The following ACSS1 variants were observed in gnomAD, a reference collection of about 807,000 sequenced individuals.
The protein encoded by ACSS1 is acyl-CoA synthetase short chain family member 1, also known as acetyl-coenzyme A synthetase 2-like, mitochondrial.
A neutral mutation model predicts 75.3 loss-of-function variants in ACSS1; 42 were observed. The ratio of observed to expected loss-of-function variants is 0.56; its 90% CI spans 0.44 to 0.72. ACSS1 has a LOEUF of 0.72. Among genes scored for constraint, ACSS1 ranks in the 30% least tolerant of loss-of-function variants. The probability of loss-of-function intolerance (pLI) is 0.00; values close to 1 mark genes in which losing one functional copy is unlikely to be tolerated. For missense variants in ACSS1, 782 were observed against 935.7 expected (o/e 0.84, Z 2.14); for synonymous variants, 380 against 376.8 (o/e 1.01, Z -0.10).
chr20:25,040,451 A>G (rs1285615874), intron 2 of ACSS1, among the ~76,000 whole-genome samples: 1 of 152,254 alleles, frequency 6.6e-6, no homozygotes, highest in Non-Finnish European at 1.5e-5. Context: ...TCCAGAGAGC[A>G]CAGCCACTTG....
chr20:25,014,520 A>G (rs1049098221), intron 8 of ACSS1, among the ~76,000 whole-genome samples: 1 of 152,184 alleles, frequency 6.6e-6, no homozygotes, highest in African/African-American at 2.4e-5. Context: ...TCTCTGTCCC[A>G]GGTTTTCCTG....
intron 3 of ACSS1, among the ~76,000 whole-genome samples, chr20:25,024,383 C>T (rs961661497): frequency 2.1e-4 from 32 of 152,312 alleles, no homozygotes; most frequent in African/African-American, 7.7e-4. Flanking sequence ...ACGCTGTGCC[C>T]CAGTGCGGGA....
At position 25,030,868 on chromosome 20, in the gene ACSS1, C is replaced by G. The variant is rs1268415790; in HGVS notation, c.522G>C (p.Val174=). 2 of 1,614,108 alleles carry G rather than the reference C, an allele frequency of 1.2e-6. No homozygotes were observed. The highest frequency in any genetic ancestry group is 1.7e-6 in the Non-Finnish European group (2 of 1,180,056). Reference sequence around the variant, plus strand: ...GCATTGCTGCCACAGCCAATGGGGACACGGGCATGTAGATGGCAACACGGT... The same window carrying G: ...GCATTGCTGCCACAGCCAATGGGGAGACGGGCATGTAGATGGCAACACGGT... ...RGDRVAIYMP[V]SPLAVAAMLA... Residue 174 remains valine (V), a synonymous_variant, in exon 3 of 14, where the codon GTG becomes GTC. Transcript: ENST00000323482.
At chr20:25,025,726 C>T (rs868302139) in intron 3 of ACSS1, among the ~76,000 whole-genome samples, 1 of 152,122 alleles carries the variant, frequency 6.6e-6, no homozygotes, top group African/African-American at 2.4e-5. Context: ...TCATTCTCAG[C>T]GACTACAGCC....
chr20:25,007,248 T>C lies in ACSS1; in HGVS notation c.*514A>G, dbSNP rs2122565161. 8.7e-7 allele frequency: 1 copy of C among 1,145,264 alleles called. No homozygotes were observed. The highest frequency in any genetic ancestry group is 3.0e-5 in the South Asian group (1 of 33,364). The allele number at this position is 1,145,264 out of a possible 1,614,324, so 70.9% of individuals were successfully genotyped here. A position where few individuals can be genotyped will look rare whatever the true frequency, so the allele number is the denominator to read the frequency against. On this transcript the variant is annotated 3_prime_UTR_variant, in exon 14 of 14. Transcript: ENST00000323482. The stretch of plus-strand genomic sequence containing the variant: ...TCACCAGTAGAGGCAAAAAAGGAGA[T>C]TTTCATAACTACATGTTAAAAAGAA...
intron 6 of ACSS1, among the ~76,000 whole-genome samples, chr20:25,020,925 T>G (rs1268530205): frequency 6.6e-6 from 1 of 152,262 alleles, no homozygotes; most frequent in Admixed American, 6.5e-5. Context: ...GTCATCACCT[T>G]GTCTTCAAAG....
intron 1 of ACSS1, among the ~76,000 whole-genome samples, chr20:25,053,596 T>C (rs1422574320): frequency 1.3e-5 from 2 of 152,126 alleles, no homozygotes; most frequent in Non-Finnish European, 2.9e-5. Context: ...CTTTAATCAC[T>C]GGAATCACTA....
intron 7 of ACSS1, among the ~76,000 whole-genome samples, chr20:25,017,770 T>A (rs1052566649): frequency 6.6e-6 from 1 of 152,226 alleles, no homozygotes; most frequent in African/African-American, 2.4e-5. Flanking sequence ...TGAAATGCAC[T>A]TAGGGCGGTA....
chr20:25,037,028 G>GGAAGGAAA (rs975830814), intron 2 of ACSS1, among the ~76,000 whole-genome samples: 3 of 149,296 alleles, frequency 2.0e-5, no homozygotes, highest in Non-Finnish European at 3.0e-5. Flanking sequence ...AAGGAAGGAA[G>GGAAGGAAA]GAAAGAAAGA....
At chr20:25,049,091 A>C (rs2089141680) in intron 1 of ACSS1, among the ~76,000 whole-genome samples, 1 of 152,258 alleles carries the variant, frequency 6.6e-6, no homozygotes, top group South Asian at 2.1e-4. Context: ...ACCTCAAAAA[A>C]TGTAACAAAT....
intron 3 of ACSS1, among the ~76,000 whole-genome samples, chr20:25,028,276 T>C (rs1299110387): frequency 1.3e-5 from 2 of 151,976 alleles, no homozygotes; most frequent in African/African-American, 2.4e-5. Context: ...CCTATGAAAA[T>C]ACAAGAAAGC....
At chr20:25,052,536 G>A (rs73906069) in intron 1 of ACSS1, among the ~76,000 whole-genome samples, 5,545 of 152,322 alleles carry the variant, frequency 0.036, 130 homozygotes, top group African/African-American at 0.07. Context: ...GTAGACTGGC[G>A]TTGGGAATTA....
At position 25,020,004 on chromosome 20, in the gene ACSS1, G is replaced by A. The variant is rs113740186; in HGVS notation, c.1246+6C>T. ...AACCTCTCCTGCTGCAGGGCAGGCCGCTCACCTGACCCCAGGGTCCGCAGG... is the reference window on the plus strand; with the variant it reads ...AACCTCTCCTGCTGCAGGGCAGGCCACTCACCTGACCCCAGGGTCCGCAGG... On this transcript the variant is annotated splice_donor_region_variant and intron_variant, in intron 7 of 13. Coordinates refer to ENST00000323482, the MANE Select transcript of ACSS1 (RefSeq NM_032501.4). 3.7e-3 allele frequency: 5,921 copies of A among 1,614,106 alleles called. 167 individuals carry two copies. The African/African-American group carries it at 0.068, about 18-fold the overall frequency.
chr20:25,046,880 T>C (rs565796183), intron 2 of ACSS1: 139 of 779,550 alleles, frequency 1.8e-4, no homozygotes, highest in Non-Finnish European at 3.0e-4. Flanking sequence ...GGACTAGAGA[T>C]AAGAAATGCG....
intron 7 of ACSS1, among the ~76,000 whole-genome samples, chr20:25,015,479 T>C (rs1377855188): frequency 1.3e-5 from 2 of 152,110 alleles, no homozygotes; most frequent in Non-Finnish European, 1.5e-5. Context: ...GTATTTTTAG[T>C]AGAGACGGGG....
chr20:25,012,856 T>C lies in ACSS1; in HGVS notation c.1663A>G (p.Ile555Val). The C allele has an allele frequency of 6.2e-7, 1 of 1,614,142 alleles. No individual in the cohort carries two copies. Among genetic ancestry groups the C allele is most frequent in the South Asian group, 1.1e-5 (1 of 91,076 alleles). Residue 555 changes from isoleucine (I) to valine (V), a missense_variant, in exon 11 of 14, where the codon ATC (isoleucine) becomes GTC (valine). Transcript: ENST00000323482. ...GCGGTCCCCAGCCGGTGGCCACTGA[T>C]GTTGATGACATCATCCATCCGCCCT... is the stretch of plus-strand genomic sequence containing the variant. ...ITGRMDDVIN[I>V]SGHRLGTAEI...
intron 1 of ACSS1, among the ~76,000 whole-genome samples, chr20:25,055,641 G>A (rs1159503945): frequency 6.6e-6 from 1 of 152,130 alleles, no homozygotes; most frequent in Non-Finnish European, 1.5e-5. Flanking sequence ...TCCAGGATGG[G>A]CTCCAGAATT....
At chr20:25,024,865 A>G (rs1382005219) in intron 3 of ACSS1, among the ~76,000 whole-genome samples, 2 of 152,126 alleles carry the variant, frequency 1.3e-5, no homozygotes, top group East Asian at 3.9e-4. Context: ...GGGGTCAGAG[A>G]GATACCCTAG....
intron 3 of ACSS1, among the ~76,000 whole-genome samples, chr20:25,024,183 C>T (rs899803348): frequency 1.3e-5 from 2 of 152,208 alleles, no homozygotes; most frequent in Non-Finnish European, 2.9e-5. Context: ...GCTGCCTGCC[C>T]ACCTTACCTT....
Sources: gnomAD v4.1 joint callset for allele counts (sites outside exome capture counted in the v4.1 genomes callset) on GRCh38, gnomAD v4.1.1 for gene constraint, MANE v1.5 for transcripts, NCBI Gene and HGNC (gene_info 2026-07-23, HGNC 2026-07-21) for gene names.